STON2: variants seen among roughly 807,000 people sequenced by gnomAD.
The protein encoded by STON2 is stonin 2, also known as stonin-2.
Under a neutral mutation model 65.7 loss-of-function variants are expected in STON2, and 29 were observed. That is an observed-to-expected ratio of 0.44 (90% CI 0.33 to 0.60). STON2 has a LOEUF of 0.60. Among genes scored for constraint, STON2 ranks in the 20% least tolerant of loss-of-function variants. The pLI, the probability that STON2 is intolerant of heterozygous loss-of-function variation, is 0.03. For synonymous variants in STON2, 404 were observed against 414.2 expected, an observed-to-expected ratio of 0.98 and a Z score of 0.30; for missense variants, 1,054 against 1,118.1, an observed-to-expected ratio of 0.94 and a Z score of 0.82.
intron 2 of STON2, among the ~76,000 whole-genome samples, chr14:81,421,885 G>C (rs954803423): frequency 2.0e-5 from 3 of 152,224 alleles, no homozygotes; most frequent in Non-Finnish European, 4.4e-5. Context: ...CACAGACTGA[G>C]AGGCCACTGG....
intron 5 of STON2, among the ~76,000 whole-genome samples, chr14:81,307,653 T>C (rs1329418340): frequency 6.6e-6 from 1 of 152,252 alleles, no homozygotes; most frequent in African/African-American, 2.4e-5. Context: ...CTTCTGCCTC[T>C]GCCACCCCAG....
chr14:81,407,998 G>A (rs781479910), intron 2 of STON2, among the ~76,000 whole-genome samples: 2 of 152,112 alleles, frequency 1.3e-5, no homozygotes, highest in African/African-American at 4.8e-5. Flanking sequence ...AGACTGGAAG[G>A]CCCCATTACC....
intron 2 of STON2, among the ~76,000 whole-genome samples, chr14:81,408,843 C>A (rs1370807046): frequency 2.0e-5 from 3 of 152,180 alleles, no homozygotes; most frequent in Non-Finnish European, 4.4e-5. Flanking sequence ...AGCAGTGTAT[C>A]ACATTAGTGA....
chr14:81,372,964 C>T (rs928515096), intron 3 of STON2, among the ~76,000 whole-genome samples: 1 of 152,118 alleles, frequency 6.6e-6, no homozygotes, highest in African/African-American at 2.4e-5. Flanking sequence ...CTGGAGTTCT[C>T]ATTGTTCATA....
At position 81,264,535 on chromosome 14, in the gene STON2, A is replaced by G. The variant is rs187628456; in HGVS notation, c.*3879T>C. The G allele has an allele frequency of 9.0e-4, 887 of 984,776 alleles. 2 individuals carry two copies. In the Admixed American group the frequency reaches 0.012, roughly 13 times the overall value. The allele number at this position is 984,776 out of a possible 1,614,324, so 61.0% of individuals were successfully genotyped here. On this transcript the variant is annotated 3_prime_UTR_variant, in exon 8 of 8. Coordinates refer to ENST00000614646, the MANE Select transcript of STON2 (RefSeq NM_001394390.1). ...AAGCTTTGTGCTAGGTGTTGGAAACACAAAAAATTATATATAGTCCTTGCC... is the reference window on the plus strand; with the variant it reads ...AAGCTTTGTGCTAGGTGTTGGAAACGCAAAAAATTATATATAGTCCTTGCC...
intron 5 of STON2, among the ~76,000 whole-genome samples, chr14:81,292,132 G>A (rs1895582392): frequency 6.6e-6 from 1 of 152,198 alleles, no homozygotes; most frequent in Admixed American, 6.5e-5. Context: ...TCAGCTAAAT[G>A]TCGACTTTAC....
intron 5 of STON2, among the ~76,000 whole-genome samples, chr14:81,296,523 G>A (rs1444874600): frequency 6.6e-6 from 1 of 152,034 alleles, no homozygotes; most frequent in Non-Finnish European, 1.5e-5. Flanking sequence ...CTAGGGATAG[G>A]CTCGAACCCC....
At chr14:81,271,929 G>C (rs1595269705) in intron 6 of STON2, among the ~76,000 whole-genome samples, 1 of 152,136 alleles carries the variant, frequency 6.6e-6, no homozygotes, top group Admixed American at 6.5e-5. Context: ...GAGGTAAAAT[G>C]AGCTACCCAC....
At chr14:81,434,674 A>G (rs1156337031) in intron 1 of STON2, among the ~76,000 whole-genome samples, 2 of 152,094 alleles carry the variant, frequency 1.3e-5, no homozygotes, top group African/African-American at 2.4e-5. Flanking sequence ...AGCTTTGAGA[A>G]GGTTTTTTGG....
At chr14:81,269,583 G>T in intron 7 of STON2, 2 of 985,356 alleles carry the variant, frequency 2.0e-6, no homozygotes, top group African/African-American at 3.5e-5. Context: ...AGGTTTGAGG[G>T]AGGTGCTATT....
chr14:81,420,537 A>T (rs1464097187), intron 2 of STON2, among the ~76,000 whole-genome samples: 1 of 152,204 alleles, frequency 6.6e-6, no homozygotes, highest in Non-Finnish European at 1.5e-5. Flanking sequence ...AGAGAGAGAC[A>T]GGCAAATAAA....
At chr14:81,404,940 T>A (rs1900774136), upstream of STON2, among the ~76,000 whole-genome samples, 1 of 152,264 alleles carries the variant, frequency 6.6e-6, no homozygotes. Flanking sequence ...TGAATGTTTC[T>A]AATGAGCAGT....
intron 4 of STON2, among the ~76,000 whole-genome samples, chr14:81,361,238 A>G (rs111809713): frequency 1.3e-5 from 2 of 152,188 alleles, no homozygotes; most frequent in East Asian, 3.8e-4. Context: ...GTATCACACC[A>G]TATTACTTGA....
At chr14:81,399,015 G>C (rs1416925732) in intron 1 of STON2, among the ~76,000 whole-genome samples, 3 of 152,156 alleles carry the variant, frequency 2.0e-5, no homozygotes, top group Non-Finnish European at 2.9e-5. Flanking sequence ...TTATAAACCT[G>C]ATTTAAATCT....
chr14:81,380,400 A>G (rs1162242665), intron 3 of STON2, among the ~76,000 whole-genome samples: 3 of 152,224 alleles, frequency 2.0e-5, no homozygotes, highest in Non-Finnish European at 4.4e-5. Context: ...GGGAATGTAA[A>G]TTAACTCAGC....
At chr14:81,374,712 T>C (rs1037773957) in intron 3 of STON2, among the ~76,000 whole-genome samples, 1 of 151,938 alleles carries the variant, frequency 6.6e-6, no homozygotes, top group African/African-American at 2.4e-5. Context: ...GATGAAAATA[T>C]GAAAGAGAGA....
chr14:81,336,679 CA>C (rs1211939881), intron 4 of STON2, among the ~76,000 whole-genome samples: 1 of 151,562 alleles, frequency 6.6e-6, no homozygotes, highest in Non-Finnish European at 1.5e-5. Flanking sequence ...ATCAGGACCA[CA>C]AGCAGAAGAA....
At chr14:81,291,858 TACACACACAC>T (rs59366676) in intron 5 of STON2, among the ~76,000 whole-genome samples, 4,269 of 137,786 alleles carry the variant, frequency 0.031, 115 homozygotes, top group Middle Eastern at 0.078. Flanking sequence ...TTAGCATGGG[TACACACACAC>T]ACACACACAC....
At chr14:81,325,822 T>A (rs1259577950) in intron 4 of STON2, among the ~76,000 whole-genome samples, 2 of 151,930 alleles carry the variant, frequency 1.3e-5, no homozygotes, top group Admixed American at 1.3e-4. Flanking sequence ...GGGTCTGCAA[T>A]AGGGGCCACA....
Sources: allele counts gnomAD v4.1 joint callset (sites outside exome capture counted in the v4.1 genomes callset), GRCh38; gene constraint gnomAD v4.1.1; transcripts MANE v1.5; gene names NCBI Gene and HGNC (gene_info 2026-07-23, HGNC 2026-07-21).